The following SIRPD variants were observed in gnomAD, a reference collection of about 807,000 sequenced individuals.
The protein encoded by SIRPD is signal regulatory protein delta.
A neutral mutation model predicts 18.0 loss-of-function variants in SIRPD; 21 were observed. The ratio of observed to expected loss-of-function variants is 1.17; its 90% CI spans 0.83 to 1.68. The LOEUF (loss-of-function observed/expected upper bound fraction) is 1.68. Among genes scored for constraint, SIRPD ranks in the 40% most tolerant of loss-of-function variants. SIRPD has a pLI of 0.00. For missense variants in SIRPD, 295 were observed against 238.4 expected, an observed-to-expected ratio of 1.24 and a Z score of -1.56; for synonymous variants, 106 against 92.9, an observed-to-expected ratio of 1.14 and a Z score of -0.81.
chr20:1,555,112 CAT>C (rs1211056987), intron 1 of SIRPD, among the ~76,000 whole-genome samples: 1 of 152,160 alleles, frequency 6.6e-6, no homozygotes, highest in Non-Finnish European at 1.5e-5. Flanking sequence ...TATACACACA[CAT>C]ACACACACAC....
chr20:1,552,090 T>A lies in SIRPD; in HGVS notation c.74-52A>T, dbSNP rs765253308. The A allele has an allele frequency of 1.6e-5, 23 of 1,473,800 alleles. No individual in the cohort carries two copies. The Admixed American group carries it at 4.0e-4, about 26-fold the overall frequency. The allele number at this position is 1,473,800 out of a possible 1,614,324, so 91.3% of individuals were successfully genotyped here. A position where few individuals can be genotyped will look rare whatever the true frequency, so the allele number is the denominator to read the frequency against. On this transcript the variant is annotated intron_variant, in intron 1 of 3. Transcript: ENST00000381623. ...CATTTCCCCTGTTCTGGCTTAAGCA[T>A]GGGTACGGGTCACGGTTGGGCCTCA...
chr20:1,554,734 A>G (rs1287468208), intron 1 of SIRPD, among the ~76,000 whole-genome samples: 1 of 152,068 alleles, frequency 6.6e-6, no homozygotes, highest in Non-Finnish European at 1.5e-5. Context: ...TCCCTCCCAT[A>G]CCGGGTGTTC....
chr20:1,554,202 C>A (rs1250428369), intron 1 of SIRPD: 1 of 152,652 alleles, frequency 6.6e-6, no homozygotes, highest in Non-Finnish European at 1.5e-5. Context: ...GGGGACAGAG[C>A]AGACATATTG....
intron 1 of SIRPD, among the ~76,000 whole-genome samples, chr20:1,553,237 TAGG>T (rs1409228873): frequency 1.3e-5 from 2 of 152,162 alleles, no homozygotes; most frequent in Admixed American, 1.3e-4. Context: ...CAGGCCATGG[TAGG>T]AGATCACATC....
chr20:1,546,563 T>G (rs1332091854), intron 2 of SIRPD, among the ~76,000 whole-genome samples: 1 of 152,222 alleles, frequency 6.6e-6, no homozygotes, highest in African/African-American at 2.4e-5. Flanking sequence ...TGCACAAATT[T>G]TTGTGTGAAC....
chr20:1,556,499 C>T (rs956809307), intron 1 of SIRPD, among the ~76,000 whole-genome samples: 10 of 152,076 alleles, frequency 6.6e-5, no homozygotes, highest in East Asian at 1.9e-4. Context: ...TGTATGCCTC[C>T]GAAATATATG....
intron 2 of SIRPD, among the ~76,000 whole-genome samples, chr20:1,546,007 G>T (rs889551034): frequency 6.6e-6 from 1 of 152,208 alleles, no homozygotes; most frequent in African/African-American, 2.4e-5. Context: ...TCCCAGAGGG[G>T]CACCTGCCAG....
rs759008063 is a variant in SIRPD at position 1,534,423 on chromosome 20, G to T, written c.*2C>A. On this transcript the variant is annotated 3_prime_UTR_variant, in exon 4 of 4. Coordinates refer to ENST00000381623, the MANE Select transcript of SIRPD (RefSeq NM_178460.3). ...TACTTGTACGTTCCTTCCCTGTTTG[G>T]ATTATTTTGACAGCAAGCCTGAAAT... The T allele has an allele frequency of 1.9e-6, 3 of 1,612,334 alleles. No individual in the cohort carries two copies. Among genetic ancestry groups the T allele is most frequent in the East Asian group, 2.2e-5 (1 of 44,868 alleles).
intron 2 of SIRPD, among the ~76,000 whole-genome samples, chr20:1,538,221 T>C (rs1188231752): frequency 6.6e-6 from 1 of 152,106 alleles, no homozygotes; most frequent in Non-Finnish European, 1.5e-5. Context: ...ATGTTGGTGA[T>C]GAGAATGGTG....
chr20:1,545,111 G>A (rs1251137514), intron 2 of SIRPD, among the ~76,000 whole-genome samples: 1 of 152,118 alleles, frequency 6.6e-6, no homozygotes, highest in Non-Finnish European at 1.5e-5. Flanking sequence ...CTCTTCTCGA[G>A]GAGTATCTTT....
intron 2 of SIRPD, among the ~76,000 whole-genome samples, chr20:1,540,650 T>A (rs1424976533): frequency 6.6e-6 from 1 of 152,212 alleles, no homozygotes; most frequent in African/African-American, 2.4e-5. Flanking sequence ...ATTGATTTTT[T>A]AAATTATACT....
intron 2 of SIRPD, among the ~76,000 whole-genome samples, chr20:1,538,328 C>T (rs1414090602): frequency 2.6e-5 from 4 of 152,180 alleles, no homozygotes; most frequent in Non-Finnish European, 5.9e-5. Flanking sequence ...CTTATTCTAG[C>T]TTGTTAAACA....
chr20:1,547,772 A>G (rs914969321), intron 2 of SIRPD, among the ~76,000 whole-genome samples: 3 of 152,240 alleles, frequency 2.0e-5, no homozygotes, highest in East Asian at 1.9e-4. Flanking sequence ...CTTCTGGTCC[A>G]TGAAAATGGG....
Position 1,557,648 on chromosome 20 carries a change from G to A in SIRPD, c.6C>T (p.Pro2=), listed in dbSNP as rs1277302991. The part of the protein sequence containing the change: M[P]IPASPLHPPL... ...GTGGGTGGAGTGGGGAGGCAGGGAT[G>A]GGCATTGTGGTGAAACCTGGAGCTT... The change falls in exon 1 of 4, where the codon CCC becomes CCT. Residue 2 remains proline (P), a synonymous_variant. Transcript: ENST00000381623. The A allele has an allele frequency of 6.2e-7, 1 of 1,611,294 alleles. No individual in the cohort carries two copies. Among genetic ancestry groups the A allele is most frequent in the Non-Finnish European group, 8.5e-7 (1 of 1,178,762 alleles).
chr20:1,557,641 C>A lies in SIRPD; in HGVS notation c.13G>T (p.Ala5Ser), dbSNP rs755418492. The A allele has an allele frequency of 4.7e-5, 76 of 1,610,150 alleles. No homozygotes were observed. Among genetic ancestry groups the A allele is most frequent in the Non-Finnish European group, 5.8e-5 (68 of 1,178,288 alleles). MPIPASPLHPPLPSL... is the reference protein window; with the variant it reads MPIPSSPLHPPLPSL... ...GGCAGAGGTGGGTGGAGTGGGGAGG[C>A]AGGGATGGGCATTGTGGTGAAACCT... Residue 5 changes from alanine (A) to serine (S), a missense_variant, in exon 1 of 4, where the codon GCC (alanine) becomes TCC (serine). Physicochemically the swap from Ala to Ser is moderately conservative, Grantham distance 99. Transcript: ENST00000381623.
At chr20:1,543,687 T>C (rs1276339288) in intron 2 of SIRPD, among the ~76,000 whole-genome samples, 1 of 152,200 alleles carries the variant, frequency 6.6e-6, no homozygotes, top group East Asian at 1.9e-4. Context: ...TGCTCTAGCT[T>C]CTCTAGTTCT....
chr20:1,557,605 G>T lies in SIRPD; in HGVS notation c.49C>A (p.Leu17Met), dbSNP rs1263050231. The T allele has an allele frequency of 1.3e-6, 2 of 1,599,134 alleles. No individual in the cohort carries two copies. The highest frequency in any genetic ancestry group is 3.4e-5 in the Admixed American group (2 of 58,246). Residue 17 changes from leucine to methionine, a missense_variant, in exon 1 of 4, where the codon CTG becomes ATG. By Grantham distance (15) the Leu-to-Met change is conservative. Transcript: ENST00000381623. Reference sequence around the variant, plus strand: ...CCTGCCAGTTCAAGCAGCAGATACAGCAGTAAGGAAGGCAGAGGTGGGTGG... The same window carrying T: ...CCTGCCAGTTCAAGCAGCAGATACATCAGTAAGGAAGGCAGAGGTGGGTGG... The part of the protein sequence containing the change: ...PLHPPLPSLL[L>M]YLLLELAGVT...
In SIRPD at chr20:1,551,892, A is replaced by G. The variant is rs777240801; in HGVS notation, c.220T>C (p.Leu74=). The change falls in exon 2 of 4, where the codon TTA becomes CTA. Residue 74 remains leucine, a synonymous_variant. Coordinates refer to ENST00000381623, the MANE Select transcript of SIRPD (RefSeq NM_178460.3). The part of the protein sequence containing the change: ...WFKGTGPNRK[L]IYNFKQGNFP... ...TTACCTTGTTTGAAATTGTAGATTA[A>G]TTTCCGGTTTGGCCCTGTTCCCTTG... is the stretch of plus-strand genomic sequence containing the variant. 6 of 1,613,934 alleles carry G rather than the reference A, an allele frequency of 3.7e-6. No homozygotes were observed. In the African/African-American group the frequency reaches 8.0e-5, roughly 22 times the overall value.
intron 2 of SIRPD, among the ~76,000 whole-genome samples, chr20:1,546,822 TC>T (rs2090995603): frequency 6.6e-6 from 1 of 152,248 alleles, no homozygotes; most frequent in African/African-American, 2.4e-5. Flanking sequence ...GATTTGCATT[TC>T]CCTGAGGATA....
Sources: gnomAD v4.1 joint callset for allele counts (sites outside exome capture counted in the v4.1 genomes callset) on GRCh38, gnomAD v4.1.1 for gene constraint, MANE v1.5 for transcripts, NCBI Gene and HGNC (gene_info 2026-07-23, HGNC 2026-07-21) for gene names.